The following KCNAB1 variants were observed in gnomAD, a reference collection of about 807,000 sequenced individuals.
KCNAB1 encodes potassium voltage-gated channel subfamily A regulatory beta subunit 1, also known as voltage-gated potassium channel subunit beta-1.
In KCNAB1, 35 loss-of-function variants were observed where a neutral mutation model predicts 64.6. The ratio of observed to expected loss-of-function variants is 0.54; its 90% CI spans 0.41 to 0.72. The LOEUF is 0.72. Among genes scored for constraint, KCNAB1 ranks in the 30% least tolerant of loss-of-function variants. The probability of loss-of-function intolerance (pLI) is 0.00; values close to 1 mark genes in which losing one functional copy is unlikely to be tolerated. For synonymous variants in KCNAB1, 177 were observed against 183.8 expected (o/e 0.96, Z 0.30); for missense variants, 401 against 512.9 (o/e 0.78, Z 2.11).
intron 1 of KCNAB1, among the ~76,000 whole-genome samples, chr3:156,150,031 A>T (rs1715308428): frequency 6.6e-6 from 1 of 152,110 alleles, no homozygotes. Context: ...ATTTTAGATG[A>T]CCTAATTTGG....
rs185524840 is a variant in KCNAB1, at chr3:156,351,165, C to G, written c.276-70451C>G. On this transcript the variant is annotated intron_variant, in intron 1 of 13. Coordinates refer to ENST00000490337, the MANE Select transcript of KCNAB1 (RefSeq NM_172160.3). Reference sequence around the variant, plus strand: ...TTTTCAAGTAATCTCAGAGCAAACACAATGCTTTTGTTATTCTCTTGGTTG... The same window carrying G: ...TTTTCAAGTAATCTCAGAGCAAACAGAATGCTTTTGTTATTCTCTTGGTTG... Among the ~76,000 whole-genome samples, 6 of 152,364 alleles carry G rather than the reference C, an allele frequency of 3.9e-5. No individual in the cohort carries two copies. The East Asian group carries it at 1.2e-3, about 29-fold the overall frequency.
At chr3:156,331,727 G>T (rs1003465346) in intron 1 of KCNAB1, among the ~76,000 whole-genome samples, 1 of 152,076 alleles carries the variant, frequency 6.6e-6, no homozygotes, top group East Asian at 1.9e-4. Flanking sequence ...CAGAATAAAA[G>T]TTAGCAGTCT....
At chr3:156,403,055 G>A (rs1057326625) in intron 1 of KCNAB1, among the ~76,000 whole-genome samples, 1 of 152,108 alleles carries the variant, frequency 6.6e-6, no homozygotes, top group Non-Finnish European at 1.5e-5. Context: ...ACTTAGATAT[G>A]GGGAAAAAAT....
At chr3:156,126,952 T>C (rs4680235) in intron 1 of KCNAB1, among the ~76,000 whole-genome samples, 96,056 of 152,102 alleles carry the variant, frequency 0.63, 30,645 homozygotes, top group Admixed American at 0.74. Flanking sequence ...TATCATGAGA[T>C]TGTTATTGGA....
intron 1 of KCNAB1, among the ~76,000 whole-genome samples, chr3:156,353,953 A>T (rs1036333318): frequency 6.6e-6 from 1 of 151,772 alleles, no homozygotes; most frequent in East Asian, 1.9e-4. Context: ...TTTGTGTGAC[A>T]CGTGATTAAT....
At chr3:156,294,085 T>A (rs1471322736) in intron 1 of KCNAB1, among the ~76,000 whole-genome samples, 4 of 152,224 alleles carry the variant, frequency 2.6e-5, no homozygotes, top group Non-Finnish European at 5.9e-5. Flanking sequence ...TTGGAAGAGT[T>A]TGCTCTTATG....
At position 156,139,804 on chromosome 3, in the gene KCNAB1, T is replaced by C. The variant is rs187608469; in HGVS notation, c.275+18918T>C. 5.3e-5 allele frequency among the ~76,000 whole-genome samples: 8 copies of C among 152,206 alleles called. No homozygotes were observed. In the East Asian group the frequency reaches 1.5e-3, roughly 29 times the overall value. ...TGTGCACAAAGCATCATTCTGATCA[T>C]TATAACTGGAGTTTACAAGCTTGTG... On this transcript the variant is annotated intron_variant, in intron 1 of 13. Coordinates refer to ENST00000490337, the MANE Select transcript of KCNAB1 (RefSeq NM_172160.3).
chr3:156,536,518 G>C, intron 13 of KCNAB1, 140 bp from the exon 14 acceptor site: 1 of 667,134 alleles, frequency 1.5e-6, no homozygotes, highest in South Asian at 1.7e-5. Context: ...ATGTGATGGT[G>C]TTGGGGGCGG....
At position 156,297,259 on chromosome 3, in the gene KCNAB1, CTTTTTTTTTTT is replaced by C. The variant is rs71141704; in HGVS notation, c.276-124341_276-124331del. On this transcript the variant is annotated intron_variant, in intron 1 of 13. Coordinates refer to ENST00000490337, the MANE Select transcript of KCNAB1 (RefSeq NM_172160.3). Reference sequence around the variant, plus strand: ...ATAACACAGTATGTATTGAGGTTGGCTTTTTTTTTTTTTTTTTTTTTTTTTTACTCAGAGGG... The same window carrying C: ...ATAACACAGTATGTATTGAGGTTGGCTTTTTTTTTTTTTTTACTCAGAGGG... Among the ~76,000 whole-genome samples, 25 of 96,470 alleles carry C rather than the reference CTTTTTTTTTTT, an allele frequency of 2.6e-4. 1 individual carries two copies. The highest frequency in any genetic ancestry group is 6.8e-4 in the African/African-American group (23 of 33,642). 63.3% of individuals were successfully genotyped at this position (96,470 alleles called of 152,430 possible).
intron 1 of KCNAB1, among the ~76,000 whole-genome samples, chr3:156,259,328 TA>T (rs1422942969): frequency 6.6e-6 from 1 of 152,188 alleles, no homozygotes; most frequent in Non-Finnish European, 1.5e-5. Context: ...AGTTGACTAT[TA>T]ATTAGGGATA....
chr3:156,500,654 TA>T (rs1267808403), intron 8 of KCNAB1, among the ~76,000 whole-genome samples: 1 of 152,196 alleles, frequency 6.6e-6, no homozygotes, highest in African/African-American at 2.4e-5. Context: ...TTCTGATATA[TA>T]AAAAAGTCTC....
At chr3:156,413,917 CT>C (rs1466519920) in intron 1 of KCNAB1, among the ~76,000 whole-genome samples, 26 of 152,314 alleles carry the variant, frequency 1.7e-4, no homozygotes, top group African/African-American at 5.8e-4. Flanking sequence ...CGCACTCTGA[CT>C]GCAGATGTAA....
intron 1 of KCNAB1, among the ~76,000 whole-genome samples, chr3:156,205,937 G>A (rs948308932): frequency 4.6e-5 from 7 of 152,210 alleles, no homozygotes; most frequent in Admixed American, 3.3e-4. Context: ...CCTAGAAGAC[G>A]TCATGCTCTT....
At chr3:156,161,931 A>C (rs554903671) in intron 1 of KCNAB1, among the ~76,000 whole-genome samples, 1 of 152,376 alleles carries the variant, frequency 6.6e-6, no homozygotes, top group East Asian at 1.9e-4. Context: ...AAGGCATCTT[A>C]ATTTTTATCC....
chr3:156,197,828 C>T (rs1263048046), intron 1 of KCNAB1, among the ~76,000 whole-genome samples: 8 of 152,116 alleles, frequency 5.3e-5, no homozygotes, highest in African/African-American at 1.9e-4. Flanking sequence ...TTCTTGTCTT[C>T]TGCTAGCTTT....
chr3:156,123,076 T>G (rs1713445575), intron 1 of KCNAB1, among the ~76,000 whole-genome samples: 1 of 152,216 alleles, frequency 6.6e-6, no homozygotes. Flanking sequence ...CCCAGAAAAT[T>G]TTCTTGGACT....
intron 1 of KCNAB1, among the ~76,000 whole-genome samples, chr3:156,418,625 T>C (rs935631776): frequency 4.6e-5 from 7 of 152,242 alleles, no homozygotes; most frequent in African/African-American, 1.7e-4. Context: ...TAGTTCCTCC[T>C]ACCTTCTCCA....
chr3:156,314,359 AT>A (rs1722135940), intron 1 of KCNAB1, among the ~76,000 whole-genome samples: 1 of 152,256 alleles, frequency 6.6e-6, no homozygotes, highest in African/African-American at 2.4e-5. Context: ...GCTGATGTTT[AT>A]TCTAATATAA....
intron 1 of KCNAB1, among the ~76,000 whole-genome samples, chr3:156,168,647 A>G (rs1397646248): frequency 6.6e-6 from 1 of 152,232 alleles, no homozygotes; most frequent in Non-Finnish European, 1.5e-5. Context: ...GTACTGAATA[A>G]TGGAATTTTT....
Sources: allele counts gnomAD v4.1 joint callset (sites outside exome capture counted in the v4.1 genomes callset), GRCh38; gene constraint gnomAD v4.1.1; transcripts MANE v1.5; gene names NCBI Gene and HGNC (gene_info 2026-07-23, HGNC 2026-07-21).